The following AK8 variants were observed in gnomAD, a reference collection of about 807,000 sequenced individuals.
The protein encoded by AK8 is ATP-AMP transphosphorylase 8.
In AK8, 44 loss-of-function variants were observed where a neutral mutation model predicts 54.6. That is an observed-to-expected ratio of 0.81 (90% CI 0.63 to 1.04). AK8 has a LOEUF of 1.04. Among genes scored for constraint, AK8 ranks in the 50% least tolerant of loss-of-function variants. The pLI is 0.00. For missense variants in AK8, 555 were observed against 613.6 expected (o/e 0.90, Z 1.01); for synonymous variants, 239 against 245.6 (o/e 0.97, Z 0.25).
intron 11 of AK8, among the ~76,000 whole-genome samples, chr9:132,783,612 T>C (rs1487809003): frequency 4.0e-5 from 6 of 150,098 alleles, no homozygotes; most frequent in Non-Finnish European, 5.9e-5. Context: ...AATGAATACC[T>C]GTTAGAAAAT....
At chr9:132,795,844 C>G (rs1242430638) in intron 10 of AK8, among the ~76,000 whole-genome samples, 1 of 152,220 alleles carries the variant, frequency 6.6e-6, no homozygotes, top group African/African-American at 2.4e-5. Context: ...AGGACGGCTA[C>G]TAAGGAGGCC....
rs910784463 is a variant in AK8 at position 132,826,825 on chromosome 9, C to G, written c.757+29G>C. On this transcript the variant is annotated intron_variant, in intron 8 of 12. Transcript: ENST00000298545. The surrounding 1 kb of genome is among the most constrained non-coding windows in gnomAD (Gnocchi z 4.5). ...GCGAGCCCCGCCCTTGGCCGTCTGT[C>G]CAGGGTGGGGCTGCCTGCTTGTGTT... 1.2e-6 allele frequency: 2 copies of G among 1,611,268 alleles called. No homozygotes were observed. Among genetic ancestry groups the G allele is most frequent in the African/African-American group, 2.7e-5 (2 of 74,884 alleles).
chr9:132,765,360 G>T (rs956598995), intron 11 of AK8, among the ~76,000 whole-genome samples: 10 of 148,008 alleles, frequency 6.8e-5, no homozygotes, highest in Admixed American at 4.1e-4. Context: ...ATGCAAAGAT[G>T]GTTCGATATA....
At chr9:132,728,371 C>T (rs1220560528) in intron 11 of AK8, among the ~76,000 whole-genome samples, 4 of 152,178 alleles carry the variant, frequency 2.6e-5, no homozygotes, top group Non-Finnish European at 5.9e-5. Context: ...ACATCTTGTT[C>T]TCTAGAGTCA....
intron 1 of AK8, among the ~76,000 whole-genome samples, 187 bp from the exon 2 acceptor site, chr9:132,875,386 G>A (rs893428404): frequency 3.9e-5 from 6 of 151,980 alleles, no homozygotes; most frequent in Non-Finnish European, 5.9e-5. Context: ...GGGGGGCCAC[G>A]TGGTGCTGCT....
At chr9:132,746,091 T>C (rs1837635249) in intron 11 of AK8, among the ~76,000 whole-genome samples, 2 of 152,116 alleles carry the variant, frequency 1.3e-5, no homozygotes, top group African/African-American at 4.8e-5. Flanking sequence ...GCAATCCTAG[T>C]GCACTCTGTG....
rs919969348 is a variant in AK8, at chr9:132,803,412, C to T, written c.980-10637G>A. 1.1e-4 allele frequency among the ~76,000 whole-genome samples: 16 copies of T among 152,020 alleles called. No individual in the cohort carries two copies. The highest frequency in any genetic ancestry group is 1.0e-3 in the Admixed American group (16 of 15,262). On this transcript the variant is annotated intron_variant, in intron 10 of 12. Transcript: ENST00000298545. This position sits in a 1 kb window ranked among gnomAD's most constrained non-coding sequence, Gnocchi z 4.4. ...ATCCCCCATATATAAAATATATTCA[C>T]ACCCGACAGGACTTGCTGTGAGTAC...
At chr9:132,852,886 G>A (rs372158737) in intron 5 of AK8, among the ~76,000 whole-genome samples, 1 of 151,734 alleles carries the variant, frequency 6.6e-6, no homozygotes, top group East Asian at 1.9e-4. Context: ...TGTGTTATTG[G>A]AGTTGCAGAA....
At chr9:132,857,242 G>A (rs1843206608) in intron 4 of AK8, among the ~76,000 whole-genome samples, 1 of 152,168 alleles carries the variant, frequency 6.6e-6, no homozygotes, top group Non-Finnish European at 1.5e-5. Flanking sequence ...CCCAGCCTGG[G>A]AGCTCTGATT....
At chr9:132,849,936 A>G (rs556891108) in intron 5 of AK8, among the ~76,000 whole-genome samples, 10 of 152,068 alleles carry the variant, frequency 6.6e-5, no homozygotes, top group Admixed American at 5.2e-4. Context: ...TAGTAGAGAC[A>G]GGGTTTCACC....
intron 4 of AK8, 115 bp downstream of exon 4, chr9:132,863,550 C>A: frequency 2.9e-6 from 2 of 701,278 alleles, no homozygotes; most frequent in Non-Finnish European, 2.5e-6. Context: ...CCAGCATTTT[C>A]TTGTACTCAA....
intron 7 of AK8, 139 bp downstream of exon 7, chr9:132,827,874 G>C: frequency 1.3e-6 from 1 of 795,664 alleles, no homozygotes; most frequent in Non-Finnish European, 2.0e-6. Context: ...CCAGCTCAGA[G>C]CCCAGCCTGT....
At chr9:132,852,184 A>C (rs1361274355) in intron 5 of AK8, among the ~76,000 whole-genome samples, 1 of 152,126 alleles carries the variant, frequency 6.6e-6, no homozygotes, top group East Asian at 1.9e-4. Context: ...GAGAGTAAAA[A>C]CAATAGGGGC....
At chr9:132,844,477 T>C (rs1279159146) in intron 5 of AK8, among the ~76,000 whole-genome samples, 2 of 152,148 alleles carry the variant, frequency 1.3e-5, no homozygotes, top group East Asian at 3.8e-4. Flanking sequence ...ACCATATAAA[T>C]GAATATGCAT....
At chr9:132,853,801 A>AAAAAAAAG in intron 5 of AK8, among the ~76,000 whole-genome samples, 2 of 150,926 alleles carry the variant, frequency 1.3e-5, no homozygotes, top group Admixed American at 6.6e-5. Context: ...AAAAAAAAAA[A>AAAAAAAAG]AAAAAAAGTA....
intron 11 of AK8, among the ~76,000 whole-genome samples, chr9:132,771,334 A>C (rs1838971152): frequency 6.6e-6 from 1 of 152,226 alleles, no homozygotes; most frequent in Non-Finnish European, 1.5e-5. Flanking sequence ...GGTCAGGCTT[A>C]CACTGTGAGA....
chr9:132,850,894 A>G (rs1427905717), intron 5 of AK8, among the ~76,000 whole-genome samples: 1 of 127,516 alleles, frequency 7.8e-6, no homozygotes, highest in Non-Finnish European at 1.8e-5. Context: ...CTGTAGGTGC[A>G]TTTAAAAAAA....
intron 5 of AK8, among the ~76,000 whole-genome samples, chr9:132,836,712 G>T (rs575200769): frequency 2.0e-5 from 3 of 152,222 alleles, no homozygotes; most frequent in African/African-American, 7.2e-5. Context: ...GAATGCGGGG[G>T]TCTAGTGAGT....
intron 11 of AK8, among the ~76,000 whole-genome samples, chr9:132,777,977 T>C (rs952841378): frequency 6.6e-6 from 1 of 152,242 alleles, no homozygotes; most frequent in East Asian, 1.9e-4. Flanking sequence ...AGTGGACCTC[T>C]GTCTCGAGGT....
Sources: allele counts gnomAD v4.1 joint callset (sites outside exome capture counted in the v4.1 genomes callset), GRCh38; gene constraint gnomAD v4.1.1; non-coding constraint Gnocchi (gnomAD v3.1); transcripts MANE v1.5; gene names NCBI Gene and HGNC (gene_info 2026-07-23, HGNC 2026-07-21).